Variants in GALNTL6 observed in about 807,000 individuals in gnomAD.
The protein encoded by GALNTL6 is polypeptide N-acetylgalactosaminyltransferase like 6, also known as polypeptide N-acetylgalactosaminyltransferase-like 6.
Under a neutral mutation model 73.7 loss-of-function variants are expected in GALNTL6, and 46 were observed. That is an observed-to-expected ratio of 0.62 (90% confidence interval 0.49 to 0.80). The LOEUF is 0.80. Among genes scored for constraint, GALNTL6 ranks in the 30% least tolerant of loss-of-function variants. The pLI is 0.00. For missense variants in GALNTL6, 604 were observed against 755.0 expected (o/e 0.80, Z 2.34); for synonymous variants, 259 against 263.7 (o/e 0.98, Z 0.17).
rs1735438856 is a variant in GALNTL6 at position 172,721,012 on chromosome 4, G to T, written c.554-88349G>T. On this transcript the variant is annotated intron_variant, in intron 5 of 12. Transcript: ENST00000506823. The stretch of plus-strand genomic sequence containing the variant: ...GCATGTCACCATAGAAATGGCAGAA[G>T]AAAATATTAAGTATTTCTCCTTCTT... 2.0e-5 allele frequency among the ~76,000 whole-genome samples: 3 copies of T among 152,226 alleles called. No individual in the cohort carries two copies. In the East Asian group the frequency reaches 5.8e-4, roughly 29 times the overall value.
At chr4:171,850,019 G>C (rs927207096) in intron 2 of GALNTL6, among the ~76,000 whole-genome samples, 6 of 152,208 alleles carry the variant, frequency 3.9e-5, no homozygotes, top group African/African-American at 1.4e-4. Context: ...AGGCTGGAGT[G>C]CAATGGTGCA....
At chr4:171,816,236 A>G (rs760168884) in intron 2 of GALNTL6, 2 of 152,138 alleles carry the variant, frequency 1.3e-5, no homozygotes, top group Non-Finnish European at 2.9e-5. Flanking sequence ...AACAATAACC[A>G]TCTGAAGTAT....
intron 10 of GALNTL6, among the ~76,000 whole-genome samples, chr4:172,953,364 G>A (rs1749555156): frequency 1.3e-5 from 2 of 152,160 alleles, no homozygotes; most frequent in South Asian, 4.1e-4. Context: ...AGGATATCGG[G>A]GGAAATGCAT....
intron 5 of GALNTL6, among the ~76,000 whole-genome samples, chr4:172,431,456 A>G (rs1417751868): frequency 6.6e-6 from 1 of 152,136 alleles, no homozygotes; most frequent in East Asian, 1.9e-4. Context: ...ACACCCCTTA[A>G]TTAGGAAAAC....
chr4:172,732,127 G>C (rs1422313841), intron 5 of GALNTL6, among the ~76,000 whole-genome samples: 1 of 152,056 alleles, frequency 6.6e-6, no homozygotes, highest in Non-Finnish European at 1.5e-5. Flanking sequence ...CTGTTACTGA[G>C]AATGGGATGT....
At chr4:172,685,532 TAA>T (rs1356270566) in intron 5 of GALNTL6, among the ~76,000 whole-genome samples, 1 of 152,218 alleles carries the variant, frequency 6.6e-6, no homozygotes, top group East Asian at 1.9e-4. Context: ...GACCAGAGGA[TAA>T]AGATTCTCAG....
intron 5 of GALNTL6, among the ~76,000 whole-genome samples, chr4:172,356,377 T>C (rs1742159833): frequency 6.6e-6 from 1 of 152,130 alleles, no homozygotes. Context: ...AATAATGCAA[T>C]GTTCAGTATT....
chr4:172,103,212 T>C lies in GALNTL6; in HGVS notation c.139-126444T>C, dbSNP rs1243109261. ...GACCTGCCAGGTAAATTCTTCAGAG[T>C]TGCTGATGACCAGGCCTGAAAAACC... On this transcript the variant is annotated intron_variant, in intron 2 of 12. Transcript: ENST00000506823. 2.6e-5 allele frequency among the ~76,000 whole-genome samples: 4 copies of C among 152,102 alleles called. No homozygotes were observed. In the South Asian group the frequency reaches 6.2e-4, roughly 24 times the overall value.
At chr4:172,591,783 T>C (rs1737647429) in intron 5 of GALNTL6, among the ~76,000 whole-genome samples, 1 of 152,174 alleles carries the variant, frequency 6.6e-6, no homozygotes, top group African/African-American at 2.4e-5. Context: ...CAAAGCGAGT[T>C]CAGTCTTATT....
At chr4:171,894,686 A>G (rs931050862) in intron 2 of GALNTL6, among the ~76,000 whole-genome samples, 5 of 152,154 alleles carry the variant, frequency 3.3e-5, no homozygotes, top group African/African-American at 1.2e-4. Flanking sequence ...AAATATGATG[A>G]AATCAAAGTT....
intron 2 of GALNTL6, among the ~76,000 whole-genome samples, chr4:171,973,416 T>G (rs932503396): frequency 2.0e-5 from 3 of 152,148 alleles, no homozygotes; most frequent in African/African-American, 7.2e-5. Context: ...AGGTGATGCC[T>G]CCTTGCTTCT....
intron 2 of GALNTL6, among the ~76,000 whole-genome samples, chr4:172,001,833 A>T (rs992731481): frequency 6.6e-6 from 1 of 152,176 alleles, no homozygotes; most frequent in African/African-American, 2.4e-5. Flanking sequence ...TCCTAGCCAA[A>T]GTACAGGTTT....
chr4:172,619,768 CAT>C (rs1738883328), intron 5 of GALNTL6, among the ~76,000 whole-genome samples: 1 of 152,162 alleles, frequency 6.6e-6, no homozygotes, highest in Non-Finnish European at 1.5e-5. Context: ...TGTCAGATAA[CAT>C]AACAATATCC....
intron 5 of GALNTL6, among the ~76,000 whole-genome samples, chr4:172,526,575 A>G (rs1402519455): frequency 1.3e-5 from 2 of 152,256 alleles, no homozygotes; most frequent in East Asian, 3.9e-4. Flanking sequence ...GCCTGTTAGT[A>G]TTTCTTTAGT....
At chr4:172,322,780 A>G (rs333388) in intron 4 of GALNTL6, among the ~76,000 whole-genome samples, 151,985 of 152,188 alleles carry the variant, frequency 1, 75,891 homozygotes, top group Middle Eastern at 1. Context: ...CTTCAACATT[A>G]GAGATTATAA....
chr4:172,539,476 GA>G, intron 5 of GALNTL6, among the ~76,000 whole-genome samples: 1 of 152,206 alleles, frequency 6.6e-6, no homozygotes, highest in African/African-American at 2.4e-5. Context: ...CTGAAGGGGG[GA>G]AGATATGTCT....
At chr4:172,032,605 T>C (rs745830293) in intron 2 of GALNTL6, among the ~76,000 whole-genome samples, 37 of 152,070 alleles carry the variant, frequency 2.4e-4, no homozygotes, top group Non-Finnish European at 5.1e-4. Context: ...CTCATTCATA[T>C]TGTTAAAACC....
chr4:171,923,213 G>T (rs1276759229), intron 2 of GALNTL6, among the ~76,000 whole-genome samples: 1 of 152,072 alleles, frequency 6.6e-6, no homozygotes, highest in African/African-American at 2.4e-5. Flanking sequence ...TTTATGGAGA[G>T]TTCTTCATAA....
chr4:172,540,505 A>G (rs1411287108), intron 5 of GALNTL6, among the ~76,000 whole-genome samples: 1 of 152,236 alleles, frequency 6.6e-6, no homozygotes, highest in African/African-American at 2.4e-5. Context: ...TTCTGAGCCA[A>G]TATGAGCAAC....
Sources: allele counts gnomAD v4.1 joint callset (sites outside exome capture counted in the v4.1 genomes callset), GRCh38; gene constraint gnomAD v4.1.1; transcripts MANE v1.5; gene names NCBI Gene and HGNC (gene_info 2026-07-23, HGNC 2026-07-21).